Variants in COL5A2 observed in about 807,000 individuals in gnomAD.
COL5A2 encodes collagen alpha-2(V) chain.
A neutral mutation model predicts 208.2 loss-of-function variants in COL5A2; 23 were observed. The ratio of observed to expected loss-of-function variants is 0.11; its 90% confidence interval spans 0.08 to 0.16. The LOEUF (loss-of-function observed/expected upper bound fraction) is 0.16. COL5A2 is among the 10% of genes least tolerant of loss of function. COL5A2 has a pLI of 1.00. For synonymous variants in COL5A2, 625 were observed against 628.5 expected, an observed-to-expected ratio of 0.99 and a Z score of 0.08; for missense variants, 1,590 against 1,956.4, an observed-to-expected ratio of 0.81 and a Z score of 3.53.
chr2:189,346,840 T>C, the COL5A2 span, among the ~76,000 whole-genome samples: 2 of 152,230 alleles, frequency 1.3e-5, no homozygotes, highest in African/African-American at 2.4e-5. Context: ...AGGAAGAGGC[T>C]TGGGTTGGCT....
At chr2:189,250,382 A>G in the COL5A2 span, among the ~76,000 whole-genome samples, 2 of 152,176 alleles carry the variant, frequency 1.3e-5, no homozygotes, top group African/African-American at 4.8e-5. Flanking sequence ...AAACCCAGAC[A>G]ATTTGACTTC....
chr2:189,102,956 G>A (rs533144048), intron 3 of COL5A2, among the ~76,000 whole-genome samples: 1 of 152,188 alleles, frequency 6.6e-6, no homozygotes, highest in South Asian at 2.1e-4. Context: ...TCTTCACCCA[G>A]CTCTCCCACA....
intron 31 of COL5A2, among the ~76,000 whole-genome samples, chr2:189,060,467 G>A (rs1266986141): frequency 6.6e-6 from 1 of 152,174 alleles, no homozygotes. Context: ...TATATAAAGT[G>A]GTTAAGAACA....
chr2:189,382,500 T>A, the COL5A2 span, among the ~76,000 whole-genome samples: 1 of 152,296 alleles, frequency 6.6e-6, no homozygotes, highest in South Asian at 2.1e-4. Flanking sequence ...TTAATTCTAT[T>A]TATGGAAGTT....
the COL5A2 span, among the ~76,000 whole-genome samples, chr2:189,326,494 T>A: frequency 6.6e-6 from 1 of 151,736 alleles, no homozygotes; most frequent in Non-Finnish European, 1.5e-5. Context: ...CTGGGCAACA[T>A]AGTGAGACCA....
Position 189,033,951 on chromosome 2 carries a change from C to T in COL5A2, c.*119G>A. On this transcript the variant is annotated 3_prime_UTR_variant, in exon 54 of 54. Coordinates refer to ENST00000374866, the MANE Select transcript of COL5A2 (RefSeq NM_000393.5). Reference sequence around the variant, plus strand: ...GGCACTTAAGACCATATATACAATGCTGATGCAGGATCAGCCATTACTTCA... The same window carrying T: ...GGCACTTAAGACCATATATACAATGTTGATGCAGGATCAGCCATTACTTCA... 1 of 1,325,158 alleles carries T rather than the reference C, an allele frequency of 7.5e-7. No individual in the cohort carries two copies. Among genetic ancestry groups the T allele is most frequent in the Non-Finnish European group, 1.1e-6 (1 of 926,850 alleles). 82.1% of individuals were successfully genotyped at this position (1,325,158 alleles called of 1,614,324 possible).
intron 1 of COL5A2, among the ~76,000 whole-genome samples, chr2:189,188,054 T>C (rs1688877281): frequency 6.6e-6 from 1 of 152,142 alleles, no homozygotes; most frequent in Non-Finnish European, 1.5e-5. Context: ...CCACACTATG[T>C]TCCACTCACC....
the COL5A2 span, among the ~76,000 whole-genome samples, chr2:189,381,263 G>A: frequency 1.3e-5 from 2 of 151,902 alleles, 1 homozygote; most frequent in South Asian, 4.2e-4. Context: ...CTTTTAGGAA[G>A]ACTATCTCTG....
the COL5A2 span, among the ~76,000 whole-genome samples, chr2:189,394,476 A>T: frequency 2.6e-5 from 4 of 152,188 alleles, no homozygotes; most frequent in East Asian, 7.7e-4. Flanking sequence ...AAGAGGAGAC[A>T]CGAGTGAGCC....
intron 1 of COL5A2, among the ~76,000 whole-genome samples, chr2:189,173,058 C>A (rs545476205): frequency 2.7e-5 from 4 of 150,862 alleles, no homozygotes; most frequent in Admixed American, 2.6e-4. Context: ...GCAGCCTCCC[C>A]CTCCCAGGTT....
chr2:189,290,717 T>TACATACACACAC, the COL5A2 span, among the ~76,000 whole-genome samples: 1 of 136,530 alleles, frequency 7.3e-6, no homozygotes, highest in African/African-American at 2.8e-5. Context: ...TTTTTGTTAA[T>TACATACACACAC]ACACACACAC....
At chr2:189,130,223 T>C (rs1687684338) in intron 1 of COL5A2, among the ~76,000 whole-genome samples, 1 of 152,106 alleles carries the variant, frequency 6.6e-6, no homozygotes, top group South Asian at 2.1e-4. Context: ...ATTTTGTGGT[T>C]AGAACCTATG....
the COL5A2 span, among the ~76,000 whole-genome samples, chr2:189,261,380 T>C: frequency 4.0e-5 from 6 of 150,668 alleles, no homozygotes; most frequent in Admixed American, 2.6e-4. Flanking sequence ...GAAAAGTAAA[T>C]ACAAAAGATG....
At chr2:189,045,737 G>A in intron 46 of COL5A2, 63 bp downstream of exon 46, 1 of 1,277,090 alleles carries the variant, frequency 7.8e-7, no homozygotes, top group South Asian at 1.2e-5. Context: ...GTGCCTATAT[G>A]CAGCTTATAA....
chr2:189,211,149 C>T (rs964644545), intron 1 of COL5A2, among the ~76,000 whole-genome samples: 2 of 152,142 alleles, frequency 1.3e-5, no homozygotes, highest in Non-Finnish European at 2.9e-5. Context: ...CCTATATAAA[C>T]TTCAGTTATG....
intron 1 of COL5A2, among the ~76,000 whole-genome samples, chr2:189,208,959 T>C (rs1689175549): frequency 6.6e-6 from 1 of 152,220 alleles, no homozygotes; most frequent in South Asian, 2.1e-4. Context: ...AGAACTTTTT[T>C]TGGCTTTCCC....
At chr2:189,080,405 G>A (rs1686504262) in intron 13 of COL5A2, among the ~76,000 whole-genome samples, 1 of 152,088 alleles carries the variant, frequency 6.6e-6, no homozygotes, top group Non-Finnish European at 1.5e-5. Context: ...ACTTAATAAT[G>A]AGTATAGCAG....
chr2:189,164,040 T>C (rs969604846), intron 1 of COL5A2, among the ~76,000 whole-genome samples: 1 of 152,194 alleles, frequency 6.6e-6, no homozygotes, highest in Non-Finnish European at 1.5e-5. Context: ...TCTACACAAG[T>C]AGAGAGTCTT....
the COL5A2 span, among the ~76,000 whole-genome samples, chr2:189,246,733 G>T: frequency 7.2e-5 from 11 of 152,146 alleles, no homozygotes; most frequent in Non-Finnish European, 1.6e-4. Context: ...CAGAGAGCAG[G>T]GTTCCCTTGA....
Sources: gnomAD v4.1 joint callset for allele counts (sites outside exome capture counted in the v4.1 genomes callset) on GRCh38, gnomAD v4.1.1 for gene constraint, MANE v1.5 for transcripts, NCBI Gene and HGNC (gene_info 2026-07-23, HGNC 2026-07-21) for gene names.